Variants in DRC9 observed in about 807,000 individuals in gnomAD.
DRC9 encodes the protein dynein regulatory complex protein 9.
At chr3:197,953,569 C>T in the DRC9 span, 1 of 457,478 alleles carries the variant, frequency 2.2e-6, no homozygotes, top group Non-Finnish European at 4.4e-6. Context: ...CGCTAGTCAT[C>T]CCGTGATCAC....
chr3:197,895,173 A>C, the DRC9 span, among the ~76,000 whole-genome samples: 10 of 152,294 alleles, frequency 6.6e-5, no homozygotes, highest in South Asian at 1.7e-3. Context: ...AACAAACAAA[A>C]AAAACAAAGA....
At chr3:197,913,789 C>A in the DRC9 span, 2 of 1,311,018 alleles carry the variant, frequency 1.5e-6, no homozygotes, top group African/African-American at 2.9e-5. Context: ...GGAGGGAAAT[C>A]TTTGTCTCCC....
the DRC9 span, chr3:197,950,071 T>TATTTCAGTGCGAAGCCG: frequency 1.7e-6 from 2 of 1,159,852 alleles, no homozygotes; most frequent in East Asian, 6.4e-5. Context: ...GAATGTGGCT[T>TATTTCAGTGCGAAGCCG]ATTTCAGTGC....
the DRC9 span, chr3:197,912,555 T>TA: frequency 5.4e-6 from 4 of 746,290 alleles, no homozygotes; most frequent in African/African-American, 5.3e-5. Context: ...AAACATGAGC[T>TA]AAAGTTCATT....
At chr3:197,898,612 G>C in the DRC9 span, among the ~76,000 whole-genome samples, 1 of 152,336 alleles carries the variant, frequency 6.6e-6, no homozygotes, top group Non-Finnish European at 1.5e-5. Flanking sequence ...CTGACTCACA[G>C]TTCAGCATGC....
chr3:197,913,260 T>A, the DRC9 span: 1 of 186,554 alleles, frequency 5.4e-6, no homozygotes, highest in Non-Finnish European at 1.1e-5. Flanking sequence ...GGCTTCAAAC[T>A]CAAGGATCCT....
the DRC9 span, among the ~76,000 whole-genome samples, chr3:197,952,161 G>GT: frequency 1.5e-5 from 2 of 133,612 alleles, no homozygotes; most frequent in Admixed American, 7.6e-5. Flanking sequence ...TAAAATTATG[G>GT]GTTTTTTTTT....
chr3:197,912,071 C>T, the DRC9 span, among the ~76,000 whole-genome samples: 6 of 150,932 alleles, frequency 4.0e-5, no homozygotes, highest in Non-Finnish European at 7.4e-5. Context: ...GACGGGGTCT[C>T]GCTCTGTTGC....
chr3:197,897,961 TTA>T, the DRC9 span, among the ~76,000 whole-genome samples: 1 of 150,024 alleles, frequency 6.7e-6, no homozygotes, highest in African/African-American at 2.5e-5. Context: ...TTTTGTATTT[TTA>T]GTAGAGACGA....
At chr3:197,936,607 C>T in the DRC9 span, among the ~76,000 whole-genome samples, 1 of 152,194 alleles carries the variant, frequency 6.6e-6, no homozygotes, top group Non-Finnish European at 1.5e-5. Context: ...AAGCAATCCT[C>T]CCACCTTGGC....
the DRC9 span, chr3:197,951,306 A>G: frequency 8.1e-6 from 13 of 1,614,048 alleles, no homozygotes; most frequent in Middle Eastern, 5.0e-4. Flanking sequence ...TATATAAAGC[A>G]AAGAAGTAAG....
the DRC9 span, chr3:197,950,396 CCT>C: frequency 1.8e-6 from 2 of 1,127,224 alleles, no homozygotes; most frequent in Non-Finnish European, 2.2e-6. Context: ...TGTTTGGTCC[CCT>C]GACACCCGGA....
the DRC9 span, among the ~76,000 whole-genome samples, chr3:197,908,371 C>G: frequency 8.0e-6 from 1 of 124,538 alleles, no homozygotes. Context: ...GACTGTACCA[C>G]GTCTGAAGAG....
At chr3:197,936,511 C>T in the DRC9 span, among the ~76,000 whole-genome samples, 1 of 152,066 alleles carries the variant, frequency 6.6e-6, no homozygotes, top group African/African-American at 2.4e-5. Context: ...ACCACAGGCC[C>T]ACCACCATGC....
At chr3:197,904,033 T>C in the DRC9 span, among the ~76,000 whole-genome samples, 13 of 91,372 alleles carry the variant, frequency 1.4e-4, no homozygotes, top group Middle Eastern at 5.0e-3. Flanking sequence ...CATATATATA[T>C]ACATACATAT....
the DRC9 span, chr3:197,954,473 A>G: frequency 2.3e-5 from 9 of 394,350 alleles, no homozygotes; most frequent in African/African-American, 1.4e-4. Context: ...AGCTGGGACC[A>G]TAGGCGTGTG....
chr3:197,901,464 T>C, the DRC9 span, among the ~76,000 whole-genome samples: 1 of 152,228 alleles, frequency 6.6e-6, no homozygotes, highest in Non-Finnish European at 1.5e-5. The surrounding 1 kb of genome is among the most constrained non-coding windows in gnomAD (Gnocchi z 4.4). Flanking sequence ...GGATGGCATT[T>C]CTGGTCCTGT....
At chr3:197,940,103 C>T in the DRC9 span, among the ~76,000 whole-genome samples, 24 of 152,034 alleles carry the variant, frequency 1.6e-4, no homozygotes, top group Admixed American at 1.4e-3. Context: ...AAGCGATTCT[C>T]CTGCCTCAGC....
chr3:197,930,793 T>C, the DRC9 span, among the ~76,000 whole-genome samples: 2 of 150,450 alleles, frequency 1.3e-5, no homozygotes, highest in African/African-American at 2.4e-5. Flanking sequence ...CCCAGCACTT[T>C]GGGAGGCCGA....
Sources: gnomAD v4.1 joint callset for allele counts (sites outside exome capture counted in the v4.1 genomes callset) on GRCh38, gnomAD v4.1.1 for gene constraint, Gnocchi (gnomAD v3.1) non-coding constraint, MANE v1.5 for transcripts, NCBI Gene and HGNC (gene_info 2026-07-23, HGNC 2026-07-21) for gene names.